Variants in ARHGAP11A observed in about 807,000 individuals in gnomAD.
ARHGAP11A encodes rho GTPase-activating protein 11A.
A neutral mutation model predicts 60.5 loss-of-function variants in ARHGAP11A; 36 were observed. The observed-to-expected ratio is 0.59, with a 90% confidence interval of 0.46 to 0.79. ARHGAP11A has a LOEUF of 0.79. ARHGAP11A is among the 30% of genes least tolerant of loss of function. The pLI is 0.00. For missense variants in ARHGAP11A, 1,071 were observed against 1,199.2 expected (o/e 0.89, Z 1.58); for synonymous variants, 362 against 415.5 (o/e 0.87, Z 1.57).
In ARHGAP11A at chr15:32,633,019, ACT is replaced by A. The variant is rs760372054; in HGVS notation, c.1152_1153del (p.Pro385CysfsTer18). The A allele has an allele frequency of 6.2e-7, 1 of 1,613,760 alleles. No individual in the cohort carries two copies. Among genetic ancestry groups the A allele is most frequent in the East Asian group, 2.2e-5 (1 of 44,856 alleles). On this transcript the variant is annotated frameshift_variant, in exon 9 of 12. Coordinates refer to ENST00000361627, the MANE Select transcript of ARHGAP11A (RefSeq NM_014783.6). LOFTEE classifies it high-confidence loss of function. ...GCTCAGAAGGGTCATCTCAGAGTTC[ACT>A]CTCTCCTGTACTCATTGGTGGAAAC... is the stretch of plus-strand genomic sequence containing the variant. ...TSSEGSSQSS[L>X]SPVLIGGNHL...
In ARHGAP11A at chr15:32,616,266, T is replaced by C. The variant is rs2053140830; in HGVS notation, c.55T>C (p.Tyr19His). ...LALLQHLRAF[Y>H]GIKVKGVRGQ... ...CCTGTTGCAGCATCTGCGGGCCTTC[T>C]ATGGTATTAAGGTGAAGGGTGTCCG... The change falls in exon 1 of 12, where the codon TAT (tyrosine) becomes CAT (histidine). Residue 19 changes from tyrosine (Y) to histidine (H), a missense_variant. By Grantham distance (83) the Tyr-to-His change is moderately conservative (BLOSUM62 2). Transcript: ENST00000361627. 3.1e-6 allele frequency: 5 copies of C among 1,614,144 alleles called. No homozygotes were observed. Among genetic ancestry groups the C allele is most frequent in the Middle Eastern group, 1.6e-4 (1 of 6,062 alleles).
At chr15:32,621,871 A>G (rs58036515) in intron 2 of ARHGAP11A, among the ~76,000 whole-genome samples, 741 of 152,040 alleles carry the variant, frequency 4.9e-3, no homozygotes, top group African/African-American at 0.017. Flanking sequence ...AAAAATGCAT[A>G]TGGTGAAACT....
chr15:32,637,358 G>C lies in ARHGAP11A; in HGVS notation c.2585G>C (p.Ser862Thr). The change falls in exon 12 of 12, where the codon AGT becomes ACT. Residue 862 changes from serine (S) to threonine (T), a missense_variant. Ser to Thr is a moderately conservative substitution (Grantham distance 58). Transcript: ENST00000361627. ...SRQPTGHKLASLGDTASPLVK... is the reference protein window; with the variant it reads ...SRQPTGHKLATLGDTASPLVK... Reference sequence around the variant, plus strand: ...CAACCTACAGGGCATAAGTTGGCGAGTCTTGGTGATACAGCTTCTCCTTTG... The same window carrying C: ...CAACCTACAGGGCATAAGTTGGCGACTCTTGGTGATACAGCTTCTCCTTTG... The C allele has an allele frequency of 1.2e-6, 2 of 1,614,182 alleles. No individual in the cohort carries two copies. Among genetic ancestry groups the C allele is most frequent in the Non-Finnish European group, 1.7e-6 (2 of 1,180,020 alleles).
Position 32,638,304 on chromosome 15 carries a change from G to C in ARHGAP11A, c.*459G>C, listed in dbSNP as rs4779582. 118,155 of 153,024 alleles carry C rather than the reference G, an allele frequency of 0.77. 45,750 individuals are homozygous for C. Among genetic ancestry groups the C allele is most frequent in the African/African-American group, 0.8 (33,382 of 41,500 alleles). 9.5% of individuals were successfully genotyped at this position (153,024 alleles called of 1,614,324 possible). On this transcript the variant is annotated 3_prime_UTR_variant, in exon 12 of 12. Coordinates refer to ENST00000361627, the MANE Select transcript of ARHGAP11A (RefSeq NM_014783.6). ...GCCAGGATGGTCTCGATCTCCTGAC[G>C]TTGTGATCCGCCCGCCTCAGCCTCC...
At chr15:32,632,531 A>G (rs1279355125) in intron 8 of ARHGAP11A, among the ~76,000 whole-genome samples, 1 of 152,178 alleles carries the variant, frequency 6.6e-6, no homozygotes, top group South Asian at 2.1e-4. Context: ...TTTTTATAAT[A>G]CCATTAATTG....
chr15:32,637,896 T>G lies in ARHGAP11A; in HGVS notation c.*51T>G. The G allele has an allele frequency of 6.3e-6, 9 of 1,419,812 alleles. No homozygotes were observed. The highest frequency in any genetic ancestry group is 6.7e-6 in the Non-Finnish European group (7 of 1,051,804). 88.0% of individuals were successfully genotyped at this position (1,419,812 alleles called of 1,614,324 possible). A position where few individuals can be genotyped will look rare whatever the true frequency, so the allele number is the denominator to read the frequency against. On this transcript the variant is annotated 3_prime_UTR_variant, in exon 12 of 12. Transcript: ENST00000361627. ...ATGTAAATAAAGTGAGTAATTGGTA[T>G]GACTTGCAGGATGATGTACATGTTA...
At chr15:32,621,221 A>G (rs1305849945) in intron 2 of ARHGAP11A, among the ~76,000 whole-genome samples, 33 of 100,968 alleles carry the variant, frequency 3.3e-4, no homozygotes, top group African/African-American at 1.2e-3. Context: ...CAAGAGTTTC[A>G]CTCTTGTCGC....
At chr15:32,616,910 T>C (rs949275820) in intron 1 of ARHGAP11A, among the ~76,000 whole-genome samples, 1 of 152,220 alleles carries the variant, frequency 6.6e-6, no homozygotes, top group Non-Finnish European at 1.5e-5. Context: ...TATTCACTAA[T>C]TTGGGAAACA....
chr15:32,624,002 A>C (rs1024171136), intron 3 of ARHGAP11A, among the ~76,000 whole-genome samples, 171 bp from the exon 4 acceptor site: 6 of 151,978 alleles, frequency 3.9e-5, no homozygotes, highest in Non-Finnish European at 8.8e-5. Flanking sequence ...CATTTCTATA[A>C]AAATAAAAAT....
At chr15:32,622,842 G>A (rs1162106981) in intron 2 of ARHGAP11A, among the ~76,000 whole-genome samples, 1 of 152,206 alleles carries the variant, frequency 6.6e-6, no homozygotes, top group African/African-American at 2.4e-5. Flanking sequence ...TAGGAGATGA[G>A]AAAATCACCC....
chr15:32,618,332 C>G (rs2053211439), intron 1 of ARHGAP11A, among the ~76,000 whole-genome samples: 1 of 152,144 alleles, frequency 6.6e-6, no homozygotes, highest in Non-Finnish European at 1.5e-5. Flanking sequence ...GACTTACCAG[C>G]TTAAGTATCT....
intron 9 of ARHGAP11A, among the ~76,000 whole-genome samples, chr15:32,633,467 C>G (rs2053631988): frequency 6.6e-6 from 1 of 151,860 alleles, no homozygotes; most frequent in Non-Finnish European, 1.5e-5. Flanking sequence ...ATGGCAAAAC[C>G]TCATCTCTAC....
chr15:32,626,428 C>A (rs562591837), intron 6 of ARHGAP11A, among the ~76,000 whole-genome samples: 1 of 152,226 alleles, frequency 6.6e-6, no homozygotes, highest in East Asian at 1.9e-4. Flanking sequence ...AAGTCAGAGG[C>A]CATTATTCTT....
In ARHGAP11A at chr15:32,636,762, T is replaced by C. The variant is rs1188347193; in HGVS notation, c.1989T>C (p.Gly663=). 6 of 1,612,242 alleles carry C rather than the reference T, an allele frequency of 3.7e-6. No individual in the cohort carries two copies. In the Admixed American group the frequency reaches 8.4e-5, roughly 22 times the overall value. The change falls in exon 12 of 12, where the codon GGT becomes GGC. Residue 663 remains glycine, a synonymous_variant. Transcript: ENST00000361627. The part of the protein sequence containing the change: ...ESKEKYEHHT[G]KGEKCFSERD... ...AGGAGAAATATGAACACCACACTGG[T>C]AAAGGTGAAAAATGTTTTTCAGAGA...
At position 32,634,870 on chromosome 15, in the gene ARHGAP11A, C is replaced by T. The variant is rs376985919; in HGVS notation, c.1344+829C>T. On this transcript the variant is annotated intron_variant, in intron 10 of 11. Transcript: ENST00000361627. ...TGCTTTTAGAGTATCTCCAAACTGA[C>T]CAGTTCTCACTATTACTACTTTTCC... 2.4e-3 allele frequency among the ~76,000 whole-genome samples: 360 copies of T among 152,338 alleles called. 6 individuals are homozygous for T. The South Asian group carries it at 0.039, about 17-fold the overall frequency.
intron 1 of ARHGAP11A, among the ~76,000 whole-genome samples, chr15:32,616,570 A>T (rs571027075): frequency 5.7e-4 from 87 of 152,304 alleles, no homozygotes; most frequent in African/African-American, 2.0e-3. Flanking sequence ...CAACTTCAGC[A>T]CTATTGACAT....
Position 32,639,228 on chromosome 15 carries a change from C to T in ARHGAP11A, c.*1383C>T, listed in dbSNP as rs1383718078. ...GAAGGAATAAGCAGACAGAATCAAC[C>T]ACTAAAGGTAGTTTTTCAGATTGGT... On this transcript the variant is annotated 3_prime_UTR_variant, in exon 12 of 12. Coordinates refer to ENST00000361627, the MANE Select transcript of ARHGAP11A (RefSeq NM_014783.6). 1 of 152,162 alleles carries T rather than the reference C, an allele frequency of 6.6e-6. No homozygotes were observed. 9.4% of individuals were successfully genotyped at this position (152,162 alleles called of 1,614,324 possible).
chr15:32,635,245 C>A (rs866294900), intron 10 of ARHGAP11A, among the ~76,000 whole-genome samples: 1 of 152,174 alleles, frequency 6.6e-6, no homozygotes, highest in Non-Finnish European at 1.5e-5. Flanking sequence ...ATGGCTCTCA[C>A]CTTTGTTTTG....
chr15:32,622,859 A>G (rs567102069), intron 2 of ARHGAP11A, among the ~76,000 whole-genome samples: 16 of 152,314 alleles, frequency 1.1e-4, no homozygotes, highest in Middle Eastern at 3.4e-3. Context: ...ACCCATGAAG[A>G]GATAGTAGAT....
Sources: gnomAD v4.1 joint callset for allele counts (sites outside exome capture counted in the v4.1 genomes callset) on GRCh38, gnomAD v4.1.1 for gene constraint, MANE v1.5 for transcripts, NCBI Gene and HGNC (gene_info 2026-07-23, HGNC 2026-07-21) for gene names.